OR10H5: variants seen among roughly 807,000 people sequenced by gnomAD.
The protein encoded by OR10H5 is olfactory receptor 10H5.
A neutral mutation model predicts 12.2 loss-of-function variants in OR10H5; 7 were observed. The ratio of observed to expected loss-of-function variants is 0.57; its 90% CI spans 0.33 to 1.07. The LOEUF (loss-of-function observed/expected upper bound fraction) is 1.07, where lower values mean the gene tolerates loss of function less well. OR10H5 is among the 50% of genes least tolerant of loss of function. The pLI is 0.04. For missense variants in OR10H5, 346 were observed against 411.6 expected (o/e 0.84, Z 1.38); for synonymous variants, 159 against 175.1 (o/e 0.91, Z 0.73).
rs1568449326 is a variant in OR10H5 at position 15,794,219 on chromosome 19, G to A, written c.171G>A (p.Met57Ile). 1 of 1,614,100 alleles carries A rather than the reference G, an allele frequency of 6.2e-7. No individual in the cohort carries two copies. The highest frequency in any genetic ancestry group is 2.2e-5 in the East Asian group (1 of 44,876). Residue 57 changes from methionine (M) to isoleucine (I), a missense_variant, in exon 2 of 2, where the codon ATG becomes ATA. Met to Ile is a conservative substitution (Grantham distance 10, BLOSUM62 1). Transcript: ENST00000642092. Reference protein sequence around the residue: ...ATVWSERSLHMPMYLFLCALS... With the variant: ...ATVWSERSLHIPMYLFLCALS... ...TCTGGAGCGAGCGCAGCCTCCACAT[G>A]CCCATGTACCTCTTCCTGTGTGCCC...
At position 15,798,597 on chromosome 19, in the gene OR10H5, C is replaced by T. The variant is rs2088852365; in HGVS notation, c.*3601C>T. The stretch of plus-strand genomic sequence containing the variant: ...CCAAGGCCAGCTTGAAAGATGTGAT[C>T]TGTGTCCTTCACTTCTTTTGTTCTT... On this transcript the variant is annotated 3_prime_UTR_variant, in exon 2 of 2. Transcript: ENST00000642092. The T allele has an allele frequency of 6.6e-6, 1 of 152,148 alleles. No homozygotes were observed. The highest frequency in any genetic ancestry group is 6.6e-5 in the Admixed American group (1 of 15,264). The allele number at this position is 152,148 out of a possible 1,614,324, so 9.4% of individuals were successfully genotyped here.
chr19:15,791,566 G>A (rs2088809329), intron 1 of OR10H5, among the ~76,000 whole-genome samples: 1 of 151,890 alleles, frequency 6.6e-6, no homozygotes, highest in South Asian at 2.1e-4. Context: ...ATGAACAACA[G>A]GGGTGATCTC....
chr19:15,787,859 A>T (rs2088789365), intron 1 of OR10H5, 143 bp downstream of exon 1: 1 of 152,642 alleles, frequency 6.6e-6, no homozygotes, highest in South Asian at 2.1e-4. Context: ...GAGAGGGAGC[A>T]TGGGATGATA....
Position 15,799,304 on chromosome 19 carries a change from C to T in OR10H5, c.*4308C>T, listed in dbSNP as rs1185653994. On this transcript the variant is annotated 3_prime_UTR_variant, in exon 2 of 2. Transcript: ENST00000642092. ...TTTTTTTTTTCTTCAGAGATTGGGG[C>T]ATGAAATCTTCCATTCCTCTTTGCA... 6.6e-6 allele frequency: 1 copy of T among 151,964 alleles called. No individual in the cohort carries two copies. Among genetic ancestry groups the T allele is most frequent in the Non-Finnish European group, 1.5e-5 (1 of 67,976 alleles). The allele number at this position is 151,964 out of a possible 1,614,324, so 9.4% of individuals were successfully genotyped here. A position where few individuals can be genotyped will look rare whatever the true frequency, so the allele number is the denominator to read the frequency against.
chr19:15,788,792 C>A (rs1437001759), intron 1 of OR10H5, among the ~76,000 whole-genome samples: 2 of 152,196 alleles, frequency 1.3e-5, no homozygotes, highest in Non-Finnish European at 2.9e-5. Context: ...CCACCACACC[C>A]AGCTGATCTC....
In OR10H5 at chr19:15,794,911, C is replaced by T; in HGVS notation, c.863C>T (p.Pro288Leu). Residue 288 changes from proline (P) to leucine (L), a missense_variant, in exon 2 of 2, where the codon CCC (proline) becomes CTC (leucine). Coordinates refer to ENST00000642092, the MANE Select transcript of OR10H5 (RefSeq NM_001004466.2). ...ACGGTCCTCACACCCTTCCTCAGCC[C>T]CATCATCTTCAGCCTCAGGAACAAG... ...TYTVLTPFLS[P>L]IIFSLRNKEL... 5.0e-6 allele frequency: 8 copies of T among 1,614,156 alleles called. No homozygotes were observed. The highest frequency in any genetic ancestry group is 4.5e-5 in the East Asian group (2 of 44,884).
In OR10H5 at chr19:15,793,995, T is replaced by C. The variant is rs546097214; in HGVS notation, c.-11-43T>C. On this transcript the variant is annotated intron_variant, in intron 1 of 1. Coordinates refer to ENST00000642092, the MANE Select transcript of OR10H5 (RefSeq NM_001004466.2). ...AGGTGGGAGTCACTAGACACCCCTG[T>C]GCTCCTAACCACTGGGTCTTCTTTC... 29 of 1,545,050 alleles carry C rather than the reference T, an allele frequency of 1.9e-5. No individual in the cohort carries two copies. In the African/African-American group the frequency reaches 3.8e-4, roughly 20 times the overall value.
In OR10H5 at chr19:15,795,196, T is replaced by TTCTTCCTC. The variant is rs2088834224; in HGVS notation, c.*200_*201insTCTTCCTC. 2.0e-6 allele frequency: 1 copy of TTCTTCCTC among 490,078 alleles called. No homozygotes were observed. Among genetic ancestry groups the TTCTTCCTC allele is most frequent in the Non-Finnish European group, 3.5e-6 (1 of 283,668 alleles). 30.4% of individuals were successfully genotyped at this position (490,078 alleles called of 1,614,324 possible). ...CCCCCTCCTCCTTGCCTTCCTTCCA[T>TTCTTCCTC]CCTTCCTCCCTCCCTCCCTCCCCCT... On this transcript the variant is annotated 3_prime_UTR_variant, in exon 2 of 2. Coordinates refer to ENST00000642092, the MANE Select transcript of OR10H5 (RefSeq NM_001004466.2).
At chr19:15,792,067 T>C (rs1245684170) in intron 1 of OR10H5, among the ~76,000 whole-genome samples, 2 of 152,120 alleles carry the variant, frequency 1.3e-5, no homozygotes, top group East Asian at 3.8e-4. Flanking sequence ...TTTGAAAATA[T>C]GCAATAAGTT....
chr19:15,788,028 A>G (rs1600082610), intron 1 of OR10H5, among the ~76,000 whole-genome samples: 1 of 152,126 alleles, frequency 6.6e-6, no homozygotes, highest in East Asian at 1.9e-4. Flanking sequence ...AGTGGTCTCT[A>G]TACTAAGTTG....
rs1568450373 is a variant in OR10H5, at chr19:15,797,745, G to GT, written c.*2755dup. On this transcript the variant is annotated 3_prime_UTR_variant, in exon 2 of 2. Transcript: ENST00000642092. ...GTGGATTTTTTTTGCATTCATTTTG[G>GT]TTTTTTAAAATATTGCATTAGGCCG... 1.3e-5 allele frequency: 2 copies of GT among 151,722 alleles called. No homozygotes were observed. Among genetic ancestry groups the GT allele is most frequent in the Admixed American group, 6.6e-5 (1 of 15,198 alleles). The allele number at this position is 151,722 out of a possible 1,614,324, so 9.4% of individuals were successfully genotyped here. A position where few individuals can be genotyped will look rare whatever the true frequency, so the allele number is the denominator to read the frequency against.
At chr19:15,792,331 G>C (rs570052301) in intron 1 of OR10H5, among the ~76,000 whole-genome samples, 1 of 152,100 alleles carries the variant, frequency 6.6e-6, no homozygotes, top group African/African-American at 2.4e-5. Flanking sequence ...TAGTTTTAAG[G>C]GTCCTCATCT....
At chr19:15,787,909 G>T (rs2088789695) in intron 1 of OR10H5, among the ~76,000 whole-genome samples, 193 bp downstream of exon 1, 1 of 152,142 alleles carries the variant, frequency 6.6e-6, no homozygotes, top group Non-Finnish European at 1.5e-5. Flanking sequence ...CTGACTCCAG[G>T]CTGGATCAGC....
At chr19:15,787,996 C>T (rs1359349692) in intron 1 of OR10H5, among the ~76,000 whole-genome samples, 1 of 152,118 alleles carries the variant, frequency 6.6e-6, no homozygotes, top group African/African-American at 2.4e-5. Flanking sequence ...TCGTGGCCAC[C>T]AGGGTCCATG....
intron 1 of OR10H5, among the ~76,000 whole-genome samples, chr19:15,789,987 A>G (rs2088802429): frequency 6.6e-6 from 1 of 151,872 alleles, no homozygotes; most frequent in Admixed American, 6.6e-5. Context: ...GGATCTCACT[A>G]TGTTGCCCAG....
chr19:15,792,026 CAAA>C (rs11329523), intron 1 of OR10H5, among the ~76,000 whole-genome samples: 3,054 of 147,644 alleles, frequency 0.021, 123 homozygotes, highest in African/African-American at 0.073. Flanking sequence ...CACTTGGTCT[CAAA>C]AAAAAAAAAA....
In OR10H5 at chr19:15,794,715, G is replaced by A. The variant is rs758375267; in HGVS notation, c.667G>A (p.Val223Met). Residue 223 changes from valine to methionine, a missense_variant, in exon 2 of 2, where the codon GTG becomes ATG. Val to Met is a conservative substitution (Grantham distance 21). Transcript: ENST00000642092. The stretch of plus-strand genomic sequence containing the variant: ...CATCCTCCTCTCCTATGCCTTCATC[G>A]TGGCCGCCATCTTGAAGATCCCTTC... ...LLILLSYAFI[V>M]AAILKIPSAE... 11 of 1,613,672 alleles carry A rather than the reference G, an allele frequency of 6.8e-6. No individual in the cohort carries two copies. The highest frequency in any genetic ancestry group is 1.6e-4 in the Middle Eastern group (1 of 6,082).
rs926458025 is a variant in OR10H5, at chr19:15,795,514, C to T, written c.*518C>T. 3.8e-5 allele frequency: 6 copies of T among 157,736 alleles called. No individual in the cohort carries two copies. The highest frequency in any genetic ancestry group is 3.7e-4 in the Admixed American group (6 of 16,310). The allele number at this position is 157,736 out of a possible 1,614,324, so 9.8% of individuals were successfully genotyped here. A position where few individuals can be genotyped will look rare whatever the true frequency, so the allele number is the denominator to read the frequency against. ...CTAATTTTTGTATTTGTAGTAGAGA[C>T]GGGGTTTCACCATGTTGGCCAGGCT... On this transcript the variant is annotated 3_prime_UTR_variant, in exon 2 of 2. Coordinates refer to ENST00000642092, the MANE Select transcript of OR10H5 (RefSeq NM_001004466.2).
rs370535519 is a variant in OR10H5, at chr19:15,795,017, G to A, written c.*21G>A. On this transcript the variant is annotated 3_prime_UTR_variant, in exon 2 of 2. Transcript: ENST00000642092. The stretch of plus-strand genomic sequence containing the variant: ...GCTGAAATGGCTGACTTTCTCTCAA[G>A]AGATGTAGCGAATGGGAACACTTTA... 13 of 1,604,998 alleles carry A rather than the reference G, an allele frequency of 8.1e-6. No individual in the cohort carries two copies. The African/African-American group carries it at 1.5e-4, about 18-fold the overall frequency.
Sources: gnomAD v4.1 joint callset for allele counts (sites outside exome capture counted in the v4.1 genomes callset) on GRCh38, gnomAD v4.1.1 for gene constraint, MANE v1.5 for transcripts, NCBI Gene and HGNC (gene_info 2026-07-23, HGNC 2026-07-21) for gene names.